The following CSMD1 variants were observed in gnomAD, a reference collection of about 807,000 sequenced individuals.
The protein encoded by CSMD1 is CUB and Sushi multiple domains 1, also known as CUB and sushi domain-containing protein 1.
In CSMD1, 213 loss-of-function variants were observed where a neutral mutation model predicts 417.5. That is an observed-to-expected ratio of 0.51 (90% CI 0.46 to 0.57). The LOEUF is 0.57. Among genes scored for constraint, CSMD1 ranks in the 20% least tolerant of loss-of-function variants. CSMD1 has a pLI of 0.00. For missense variants in CSMD1, 6,923 were observed against 4,529.7 expected (o/e 1.53, Z -15.17); for synonymous variants, 2,862 against 1,736.8 (o/e 1.65, Z -16.11).
intron 26 of CSMD1, among the ~76,000 whole-genome samples, chr8:3,231,243 C>G (rs552621624): frequency 6.6e-6 from 1 of 152,204 alleles, no homozygotes; most frequent in African/African-American, 2.4e-5. Flanking sequence ...GATTTTTTCT[C>G]ATTTTTACTT....
intron 5 of CSMD1, among the ~76,000 whole-genome samples, chr8:3,955,541 T>C (rs532734763): frequency 6.6e-6 from 1 of 152,266 alleles, no homozygotes; most frequent in Admixed American, 6.5e-5. Context: ...AGTAGAGGAT[T>C]TGGCGTCTGA....
intron 49 of CSMD1, among the ~76,000 whole-genome samples, chr8:3,056,914 C>A (rs1483411526): frequency 6.6e-6 from 1 of 151,938 alleles, no homozygotes; most frequent in Non-Finnish European, 1.5e-5. Flanking sequence ...TTCTAGATTA[C>A]TATCTACATA....
rs368594621 is a variant in CSMD1 at position 4,592,820 on chromosome 8, T to C, written c.302+44522A>G. On this transcript the variant is annotated intron_variant, in intron 2 of 69. Coordinates refer to ENST00000635120, the MANE Select transcript of CSMD1 (RefSeq NM_033225.6). ...ATCTACCAATACACGAAATATCCTG[T>C]TGTTTAATCATTGTAATACTATTGA... Among the ~76,000 whole-genome samples, 6 of 152,328 alleles carry C rather than the reference T, an allele frequency of 3.9e-5. No homozygotes were observed. In the South Asian group the frequency reaches 1.2e-3, roughly 32 times the overall value.
At chr8:3,454,966 G>C (rs1433538715) in intron 12 of CSMD1, among the ~76,000 whole-genome samples, 3 of 151,956 alleles carry the variant, frequency 2.0e-5, no homozygotes, top group Non-Finnish European at 2.9e-5. Flanking sequence ...ATGTAGATTT[G>C]GTCTTTTCAC....
At chr8:4,098,264 G>A (rs1232639671) in intron 3 of CSMD1, among the ~76,000 whole-genome samples, 1 of 152,124 alleles carries the variant, frequency 6.6e-6, no homozygotes, top group Non-Finnish European at 1.5e-5. Flanking sequence ...TACTTCAGAT[G>A]TAATGGCATC....
At chr8:3,291,496 A>G (rs542541472) in intron 25 of CSMD1, among the ~76,000 whole-genome samples, 1 of 152,228 alleles carries the variant, frequency 6.6e-6, no homozygotes, top group South Asian at 2.1e-4. Flanking sequence ...TATTGCCTCA[A>G]TTTCAGACCC....
chr8:4,043,483 CA>C (rs543437830), intron 3 of CSMD1, among the ~76,000 whole-genome samples: 38 of 151,440 alleles, frequency 2.5e-4, no homozygotes, highest in African/African-American at 8.2e-4. Context: ...ATGTTGTCTT[CA>C]AAAAAAAGTA....
At chr8:3,495,460 C>A (rs1796327051) in intron 10 of CSMD1, among the ~76,000 whole-genome samples, 1 of 152,130 alleles carries the variant, frequency 6.6e-6, no homozygotes, top group African/African-American at 2.4e-5. Context: ...GAAAAAGGGC[C>A]ATTCTGTAAT....
chr8:3,317,797 A>G (rs544449857), intron 23 of CSMD1, among the ~76,000 whole-genome samples: 63 of 152,292 alleles, frequency 4.1e-4, no homozygotes, highest in Non-Finnish European at 7.8e-4. Flanking sequence ...TAAAGTTGCT[A>G]CTGTATAAGT....
At chr8:3,372,016 T>G (rs922410407) in intron 18 of CSMD1, among the ~76,000 whole-genome samples, 1 of 152,168 alleles carries the variant, frequency 6.6e-6, no homozygotes, top group Non-Finnish European at 1.5e-5. Flanking sequence ...TTCTAAAGTA[T>G]GAATTCCAGT....
chr8:3,415,614 C>A (rs1396694631), intron 12 of CSMD1, among the ~76,000 whole-genome samples: 16 of 152,306 alleles, frequency 1.1e-4, no homozygotes. Flanking sequence ...CCTCCTCTAG[C>A]CTCCCAACAG....
Position 4,332,576 on chromosome 8 carries a change from C to G in CSMD1, c.415+87377G>C, listed in dbSNP as rs955790484. ...ATACACACACACACACACACACACA[C>G]ACACACACACACACACACACACACA... On this transcript the variant is annotated intron_variant, in intron 3 of 69. Coordinates refer to ENST00000635120, the MANE Select transcript of CSMD1 (RefSeq NM_033225.6). Among the ~76,000 whole-genome samples, 510 of 141,618 alleles carry G rather than the reference C, an allele frequency of 3.6e-3. 8 individuals carry two copies. The highest frequency in any genetic ancestry group is 0.015 in the African/African-American group (491 of 32,990). The allele number at this position is 141,618 out of a possible 152,430, so 92.9% of individuals were successfully genotyped here.
At chr8:4,733,823 T>A (rs1810052523) in intron 1 of CSMD1, among the ~76,000 whole-genome samples, 1 of 152,208 alleles carries the variant, frequency 6.6e-6, no homozygotes, top group Non-Finnish European at 1.5e-5. Flanking sequence ...AAAACTGCCT[T>A]ATTTTATTAT....
At chr8:4,921,173 G>C (rs919218529) in intron 1 of CSMD1, among the ~76,000 whole-genome samples, 7 of 152,124 alleles carry the variant, frequency 4.6e-5, no homozygotes, top group East Asian at 1.9e-4. Flanking sequence ...TGGTGATTTA[G>C]GGTCAGAAAC....
chr8:3,488,296 C>T (rs892306716), intron 11 of CSMD1, among the ~76,000 whole-genome samples: 8 of 151,812 alleles, frequency 5.3e-5, no homozygotes, highest in African/African-American at 1.2e-4. Flanking sequence ...TTTGTAGAGA[C>T]GGAGTTTCAT....
At chr8:3,468,385 G>T (rs1816902328) in intron 12 of CSMD1, among the ~76,000 whole-genome samples, 2 of 152,122 alleles carry the variant, frequency 1.3e-5, no homozygotes, top group African/African-American at 4.8e-5. Flanking sequence ...TCACATAAAA[G>T]AAGGTTTTCA....
chr8:4,759,115 G>C (rs1427877123), intron 1 of CSMD1, among the ~76,000 whole-genome samples: 1 of 152,200 alleles, frequency 6.6e-6, no homozygotes, highest in Admixed American at 6.5e-5. Context: ...ATGCATTTGG[G>C]CTGAGGGAGA....
chr8:4,905,153 G>A (rs1805159223), intron 1 of CSMD1, among the ~76,000 whole-genome samples: 1 of 152,000 alleles, frequency 6.6e-6, no homozygotes, highest in Non-Finnish European at 1.5e-5. Flanking sequence ...TGAAATCCTG[G>A]GAGTACTATT....
intron 3 of CSMD1, among the ~76,000 whole-genome samples, chr8:4,076,770 C>T (rs978940578): frequency 4.6e-5 from 7 of 152,144 alleles, no homozygotes; most frequent in Non-Finnish European, 7.3e-5. Context: ...ACATTTCAGG[C>T]TCTGAACAAC....
Sources: gnomAD v4.1 joint callset for allele counts (sites outside exome capture counted in the v4.1 genomes callset) on GRCh38, gnomAD v4.1.1 for gene constraint, MANE v1.5 for transcripts, NCBI Gene and HGNC (gene_info 2026-07-23, HGNC 2026-07-21) for gene names.